Variants in MRAP2 observed in about 807,000 individuals in gnomAD.
MRAP2 encodes melanocortin 2 receptor accessory protein 2, also known as melanocortin-2 receptor accessory protein 2.
A neutral mutation model predicts 17.4 loss-of-function variants in MRAP2; 20 were observed. That is an observed-to-expected ratio of 1.15 (90% confidence interval 0.81 to 1.67). MRAP2 has a LOEUF of 1.67. MRAP2 is among the 40% of genes most tolerant of loss of function. The pLI, the probability that MRAP2 is intolerant of heterozygous loss-of-function variation, is 0.00. For missense variants in MRAP2, 238 were observed against 240.0 expected, an observed-to-expected ratio of 0.99 and a Z score of 0.05; for synonymous variants, 96 against 88.4, an observed-to-expected ratio of 1.09 and a Z score of -0.48.
chr6:84,130,821 T>C, the MRAP2 span, among the ~76,000 whole-genome samples: 1 of 151,968 alleles, frequency 6.6e-6, no homozygotes, highest in South Asian at 2.1e-4. Context: ...AATTCACTGA[T>C]TTTTTTTGAA....
chr6:84,054,232 TG>T (rs1362618542), intron 1 of MRAP2, among the ~76,000 whole-genome samples: 1 of 152,224 alleles, frequency 6.6e-6, no homozygotes, highest in Non-Finnish European at 1.5e-5. Flanking sequence ...TGTGGAGTAC[TG>T]ATCTGTCTCA....
the MRAP2 span, among the ~76,000 whole-genome samples, chr6:84,119,219 T>C: frequency 6.6e-6 from 1 of 152,200 alleles, no homozygotes; most frequent in African/African-American, 2.4e-5. Flanking sequence ...CTGTGAAAAA[T>C]ATTATTGTAA....
At chr6:84,066,373 T>C (rs951062302) in intron 3 of MRAP2, among the ~76,000 whole-genome samples, 20 of 152,188 alleles carry the variant, frequency 1.3e-4, no homozygotes, top group African/African-American at 4.1e-4. Flanking sequence ...CAGTATATCA[T>C]AATAGAAAAC....
intron 1 of MRAP2, among the ~76,000 whole-genome samples, chr6:84,036,938 G>A (rs878872288): frequency 6.7e-6 from 1 of 148,828 alleles, no homozygotes; most frequent in African/African-American, 2.5e-5. Flanking sequence ...GCACTGATTG[G>A]TGCATTTACA....
chr6:84,102,919 A>C, the MRAP2 span, among the ~76,000 whole-genome samples: 1 of 152,232 alleles, frequency 6.6e-6, no homozygotes, highest in South Asian at 2.1e-4. Context: ...ATTGGAGTAG[A>C]GGAATCAGTT....
the MRAP2 span, among the ~76,000 whole-genome samples, chr6:84,141,849 A>C: frequency 6.6e-6 from 1 of 152,134 alleles, no homozygotes; most frequent in African/African-American, 2.4e-5. Flanking sequence ...CTCCATTACA[A>C]AAATATTCCT....
the MRAP2 span, among the ~76,000 whole-genome samples, chr6:84,112,306 T>A: frequency 6.6e-6 from 1 of 152,218 alleles, no homozygotes. Context: ...ATTCAGGGAT[T>A]TGACTTCTTC....
At chr6:84,124,842 G>T in the MRAP2 span, 1 of 533,430 alleles carries the variant, frequency 1.9e-6, no homozygotes. Context: ...AAAGGAAACT[G>T]TCCATAAATC....
intron 1 of MRAP2, among the ~76,000 whole-genome samples, chr6:84,053,214 T>G (rs1474157574): frequency 2.6e-5 from 4 of 152,126 alleles, no homozygotes; most frequent in African/African-American, 9.7e-5. Flanking sequence ...TTAAGTACTT[T>G]TCCCTATTTT....
At chr6:84,120,979 T>G in the MRAP2 span, among the ~76,000 whole-genome samples, 1 of 152,164 alleles carries the variant, frequency 6.6e-6, no homozygotes, top group Non-Finnish European at 1.5e-5. Context: ...AGATTTAGTA[T>G]GACAAAATGC....
chr6:84,039,147 A>G (rs192498683), intron 1 of MRAP2, among the ~76,000 whole-genome samples: 1 of 152,344 alleles, frequency 6.6e-6, no homozygotes, highest in African/African-American at 2.4e-5. Flanking sequence ...ATCACAATAA[A>G]TACTTGAAAG....
intron 1 of MRAP2, among the ~76,000 whole-genome samples, chr6:84,052,222 CAGCTGCCCGTGG>C (rs2099490600): frequency 6.6e-6 from 1 of 152,118 alleles, no homozygotes; most frequent in Non-Finnish European, 1.5e-5. Flanking sequence ...ATACAGAGAG[CAGCTGCCCGTGG>C]AGCTGCCGCT....
intron 3 of MRAP2, among the ~76,000 whole-genome samples, chr6:84,080,898 G>C (rs1485865526): frequency 6.6e-6 from 1 of 152,110 alleles, no homozygotes; most frequent in East Asian, 1.9e-4. Flanking sequence ...TATGTGACCT[G>C]TTTTCTTATT....
chr6:84,063,128 A>T, intron 3 of MRAP2, 136 bp downstream of exon 3: 1 of 1,466,076 alleles, frequency 6.8e-7, no homozygotes, highest in Non-Finnish European at 9.0e-7. Flanking sequence ...CTGGACCCAG[A>T]TGCCCGTGGA....
chr6:84,113,287 T>C, the MRAP2 span, among the ~76,000 whole-genome samples: 867 of 152,324 alleles, frequency 5.7e-3, 12 homozygotes, highest in African/African-American at 0.019. Context: ...ATTGGGTGCA[T>C]ATATATTTAG....
the MRAP2 span, among the ~76,000 whole-genome samples, chr6:84,105,071 T>A: frequency 2.0e-5 from 3 of 152,120 alleles, no homozygotes; most frequent in African/African-American, 7.2e-5. Context: ...TTATCAGAAT[T>A]TTGATCAAAG....
At chr6:84,085,306 G>A (rs560612398) in intron 3 of MRAP2, among the ~76,000 whole-genome samples, 11 of 152,082 alleles carry the variant, frequency 7.2e-5, no homozygotes, top group Admixed American at 3.9e-4. Context: ...CGCCCTTCTC[G>A]GCCTCCCAAA....
At chr6:84,106,997 G>T in the MRAP2 span, among the ~76,000 whole-genome samples, 2 of 152,144 alleles carry the variant, frequency 1.3e-5, no homozygotes, top group African/African-American at 4.8e-5. Context: ...GGGCCTTGCT[G>T]TAAAATCGTA....
chr6:84,125,066 T>C, the MRAP2 span: 24 of 1,607,150 alleles, frequency 1.5e-5, no homozygotes, highest in Non-Finnish European at 1.8e-5. Flanking sequence ...AATCTGAATT[T>C]CTATTAATAC....
Sources: allele counts gnomAD v4.1 joint callset (sites outside exome capture counted in the v4.1 genomes callset), GRCh38; gene constraint gnomAD v4.1.1; transcripts MANE v1.5; gene names NCBI Gene and HGNC (gene_info 2026-07-23, HGNC 2026-07-21).